The following STAC2 variants were observed in gnomAD, a reference collection of about 807,000 sequenced individuals.
STAC2 encodes SH3 and cysteine-rich domain-containing protein 2.
Under a neutral mutation model 49.0 loss-of-function variants are expected in STAC2, and 36 were observed. That is an observed-to-expected ratio of 0.74 (90% CI 0.56 to 0.97). STAC2 has a LOEUF of 0.97. STAC2 is among the 50% of genes least tolerant of loss of function. The pLI is 0.00. For missense variants in STAC2, 527 were observed against 543.8 expected (o/e 0.97, Z 0.31); for synonymous variants, 239 against 214.7 (o/e 1.11, Z -0.99).
chr17:39,224,923 G>T (rs913297570), intron 1 of STAC2, among the ~76,000 whole-genome samples: 1 of 152,128 alleles, frequency 6.6e-6, no homozygotes, highest in African/African-American at 2.4e-5. Context: ...CTGAGACGCG[G>T]AGATAAACAC....
In STAC2 at chr17:39,225,306, G is replaced by T; in HGVS notation, c.90+107C>A. On this transcript the variant is annotated intron_variant, in intron 1 of 10. Coordinates refer to ENST00000333461, the MANE Select transcript of STAC2 (RefSeq NM_198993.5). The surrounding 1 kb of genome is among the most constrained non-coding windows in gnomAD (Gnocchi z 8.2). ...CGGCGCGGAGCCTCAGTGGTCACGC[G>T]GGCCTCGCGACCGCGACCCTAGGAC... is the stretch of plus-strand genomic sequence containing the variant. 1.1e-6 allele frequency: 1 copy of T among 894,334 alleles called. No individual in the cohort carries two copies. The highest frequency in any genetic ancestry group is 1.6e-6 in the Non-Finnish European group (1 of 619,662). 55.4% of individuals were successfully genotyped at this position (894,334 alleles called of 1,614,324 possible). A position where few individuals can be genotyped will look rare whatever the true frequency, so the allele number is the denominator to read the frequency against.
intron 7 of STAC2, 25 bp from the exon 8 acceptor site, chr17:39,214,355 G>T: frequency 1.2e-6 from 2 of 1,613,416 alleles, no homozygotes; most frequent in South Asian, 2.2e-5. Context: ...CTGGGTCGGT[G>T]ACCGGAAAGC....
rs560238091 is a variant in STAC2 at position 39,223,945 on chromosome 17, G to A, written c.90+1468C>T. ...GACTGAGACTTGGCTCTCTAAAGGG[G>A]AGTCAGCTCTGGCCTCACAGACCAG... On this transcript the variant is annotated intron_variant, in intron 1 of 10. Coordinates refer to ENST00000333461, the MANE Select transcript of STAC2 (RefSeq NM_198993.5). Among the ~76,000 whole-genome samples the A allele has an allele frequency of 1.1e-3, 172 of 152,260 alleles. 1 individual carries two copies. The highest frequency in any genetic ancestry group is 2.3e-3 in the Non-Finnish European group (154 of 68,000).
intron 2 of STAC2, 65 bp downstream of exon 2, chr17:39,217,802 T>C: frequency 6.7e-7 from 1 of 1,494,740 alleles, no homozygotes; most frequent in Non-Finnish European, 9.1e-7. Flanking sequence ...GGGCGCAACA[T>C]GAGCCCACTC....
chr17:39,219,099 G>A (rs1339587887), intron 1 of STAC2, among the ~76,000 whole-genome samples: 8 of 152,050 alleles, frequency 5.3e-5, no homozygotes, highest in Admixed American at 2.0e-4. Context: ...CAGCTGTTGC[G>A]GGGGTGATGC....
chr17:39,216,964 C>A, intron 3 of STAC2, 64 bp from the exon 4 acceptor site: 1 of 1,583,414 alleles, frequency 6.3e-7, no homozygotes, highest in Non-Finnish European at 8.6e-7. Context: ...TTGGTCCTTC[C>A]CAAGCCCAGG....
Position 39,217,858 on chromosome 17 carries a change from G to C in STAC2, c.397+9C>G, listed in dbSNP as rs373188349. 1.3e-6 allele frequency: 2 copies of C among 1,596,622 alleles called. No homozygotes were observed. The highest frequency in any genetic ancestry group is 1.3e-5 in the African/African-American group (1 of 74,466). ...CTCCCCGTGGCCGCCTCAGTGCCCA[G>C]GCACCTACCTACGATGAGCTGGTGG... On this transcript the variant is annotated intron_variant, in intron 2 of 10. Transcript: ENST00000333461.
Position 39,212,255 on chromosome 17 carries a change from A to G in STAC2, c.*37T>C, listed in dbSNP as rs1386300492. On this transcript the variant is annotated 3_prime_UTR_variant, in exon 11 of 11. Transcript: ENST00000333461. The stretch of plus-strand genomic sequence containing the variant: ...CCCTGGCCAGAAGCAAGGTCCAGGC[A>G]TGGGCAAGGGTGTCATCTGGGTTCC... 4.0e-6 allele frequency: 6 copies of G among 1,515,006 alleles called. No homozygotes were observed. The highest frequency in any genetic ancestry group is 4.5e-6 in the Non-Finnish European group (5 of 1,101,656). The allele number at this position is 1,515,006 out of a possible 1,614,324, so 93.8% of individuals were successfully genotyped here.
intron 8 of STAC2, 51 bp from the exon 9 acceptor site, chr17:39,213,609 C>G (rs1278876987): frequency 1.9e-6 from 3 of 1,600,160 alleles, no homozygotes; most frequent in Non-Finnish European, 2.6e-6. Context: ...TAGTGCCCCT[C>G]CCCATCCTAG....
Position 39,215,234 on chromosome 17 carries a change from C to A in STAC2, c.587-4G>T, listed in dbSNP as rs2046392149. 2.5e-6 allele frequency: 4 copies of A among 1,613,694 alleles called. No homozygotes were observed. The highest frequency in any genetic ancestry group is 2.7e-5 in the African/African-American group (2 of 74,904). On this transcript the variant is annotated splice_polypyrimidine_tract_variant and splice_region_variant and intron_variant, in intron 4 of 10. Transcript: ENST00000333461. ...GGGTCCACCTTCCCACTGTCCCCTG[C>A]AGATTATCCACCCTCAAGGCCTGGC... is the stretch of plus-strand genomic sequence containing the variant.
intron 2 of STAC2, among the ~76,000 whole-genome samples, chr17:39,217,489 T>G (rs1405433203): frequency 6.6e-6 from 1 of 152,072 alleles, no homozygotes; most frequent in African/African-American, 2.4e-5. Flanking sequence ...TTTGGGAGGC[T>G]GAGGTGGATG....
chr17:39,211,853 T>G lies in STAC2; in HGVS notation c.*439A>C, dbSNP rs1176814535. The G allele has an allele frequency of 6.5e-6, 1 of 154,760 alleles. No individual in the cohort carries two copies. The allele number at this position is 154,760 out of a possible 1,614,324, so 9.6% of individuals were successfully genotyped here. A position where few individuals can be genotyped will look rare whatever the true frequency, so the allele number is the denominator to read the frequency against. On this transcript the variant is annotated 3_prime_UTR_variant, in exon 11 of 11. Transcript: ENST00000333461. ...AAGACCCCACTTGCAAAGGAGCAGATGCACGGTCACACACACATAGACCCA... is the reference window on the plus strand; with the variant it reads ...AAGACCCCACTTGCAAAGGAGCAGAGGCACGGTCACACACACATAGACCCA...
In STAC2 at chr17:39,225,493, T is replaced by C. The variant is rs1452120139; in HGVS notation, c.10A>G (p.Met4Val). MTEMSEKENEPDDA... is the reference protein window; with the variant it reads MTEVSEKENEPDDA... ...TCCGGTTCGTTCTCCTTCTCGCTCA[T>C]CTCGGTCATGGTTCGGGGAGAGGGG... is the stretch of plus-strand genomic sequence containing the variant. Residue 4 changes from methionine to valine, a missense_variant, in exon 1 of 11, where the codon ATG (methionine) becomes GTG (valine). Met to Val is a conservative substitution (Grantham distance 21). Coordinates refer to ENST00000333461, the MANE Select transcript of STAC2 (RefSeq NM_198993.5). The surrounding 1 kb of genome is among the most constrained non-coding windows in gnomAD (Gnocchi z 8.2). The C allele has an allele frequency of 6.2e-7, 1 of 1,610,494 alleles. No individual in the cohort carries two copies. Among genetic ancestry groups the C allele is most frequent in the South Asian group, 1.1e-5 (1 of 91,048 alleles).
In STAC2 at chr17:39,217,038, G is replaced by A. The variant is rs754202220; in HGVS notation, c.495+38C>T. On this transcript the variant is annotated intron_variant, in intron 3 of 10. Coordinates refer to ENST00000333461, the MANE Select transcript of STAC2 (RefSeq NM_198993.5). ...ATTCTCCCATGTGACAGTACTGGCAGCACTCAGCTGGCCATCTCTGCCTGG... is the reference window on the plus strand; with the variant it reads ...ATTCTCCCATGTGACAGTACTGGCAACACTCAGCTGGCCATCTCTGCCTGG... 1.9e-6 allele frequency: 3 copies of A among 1,608,304 alleles called. No homozygotes were observed. In the East Asian group the frequency reaches 6.7e-5, roughly 36 times the overall value.
At chr17:39,215,310 G>A (rs1201724588) in intron 4 of STAC2, 80 bp from the exon 5 acceptor site, 12 of 1,454,788 alleles carry the variant, frequency 8.2e-6, no homozygotes, top group Non-Finnish European at 1.1e-5. Context: ...GCCCCAGGCT[G>A]AGCTTCCCAG....
At chr17:39,213,272 C>A in intron 9 of STAC2, 140 bp from the exon 10 acceptor site, 1 of 1,438,874 alleles carries the variant, frequency 6.9e-7, no homozygotes, top group Non-Finnish European at 9.3e-7. Flanking sequence ...CAGCCCCCAG[C>A]CAGGTGGCTT....
At chr17:39,222,823 C>G (rs2046475127) in intron 1 of STAC2, among the ~76,000 whole-genome samples, 1 of 152,176 alleles carries the variant, frequency 6.6e-6, no homozygotes, top group Non-Finnish European at 1.5e-5. Context: ...CCCACCTCCC[C>G]ATATCCTGGA....
intron 1 of STAC2, among the ~76,000 whole-genome samples, chr17:39,224,119 G>A (rs2046487916): frequency 6.6e-6 from 1 of 152,130 alleles, no homozygotes; most frequent in East Asian, 1.9e-4. Flanking sequence ...TCCTCCTCCG[G>A]TCACTCCCTT....
At chr17:39,218,862 C>CTGG (rs1418312965) in intron 1 of STAC2, among the ~76,000 whole-genome samples, 1 of 152,096 alleles carries the variant, frequency 6.6e-6, no homozygotes, top group Non-Finnish European at 1.5e-5. Flanking sequence ...CCAGCCTGGG[C>CTGG]AACGTAGTAT....
Sources: gnomAD v4.1 joint callset for allele counts (sites outside exome capture counted in the v4.1 genomes callset) on GRCh38, gnomAD v4.1.1 for gene constraint, Gnocchi (gnomAD v3.1) non-coding constraint, MANE v1.5 for transcripts, NCBI Gene and HGNC (gene_info 2026-07-23, HGNC 2026-07-21) for gene names.